The following ZNF787 variants were observed in gnomAD, a reference collection of about 807,000 sequenced individuals.
ZNF787 encodes TTF-I-interacting peptide 20.
In ZNF787, 7 loss-of-function variants were observed where a neutral mutation model predicts 16.9. The ratio of observed to expected loss-of-function variants is 0.42; its 90% CI spans 0.24 to 0.78. The LOEUF is 0.78. Among genes scored for constraint, ZNF787 ranks in the 30% least tolerant of loss-of-function variants. The pLI, the probability that ZNF787 is intolerant of heterozygous loss-of-function variation, is 0.30. For synonymous variants in ZNF787, 345 were observed against 270.9 expected (o/e 1.27, Z -2.69); for missense variants, 551 against 589.3 (o/e 0.94, Z 0.67).
rs1353503065 is a variant in ZNF787 at position 56,088,372 on chromosome 19, G to T, written c.800C>A (p.Ala267Glu). 2 of 1,055,170 alleles carry T rather than the reference G, an allele frequency of 1.9e-6. No homozygotes were observed. Among genetic ancestry groups the T allele is most frequent in the Non-Finnish European group, 1.2e-6 (1 of 861,084 alleles). 65.4% of individuals were successfully genotyped at this position (1,055,170 alleles called of 1,614,324 possible). Residue 267 changes from alanine (A) to glutamate (E), a missense_variant, in exon 3 of 3, where the codon GCG becomes GAG. Physicochemically the swap from Ala to Glu is moderately radical, Grantham distance 107. Coordinates refer to ENST00000610935, the MANE Select transcript of ZNF787 (RefSeq NM_001002836.4). The surrounding 1 kb of genome is among the most constrained non-coding windows in gnomAD (Gnocchi z 8.6). ...AAMAGAGAKA[A>E]GPRSRRAPAP... ...CGGGGCGCGCCGCGACCGGGGCCCC[G>T]CGGCCTTTGCCCCCGCGCCCGCCAT...
chr19:56,098,191 C>T (rs1985942616), intron 2 of ZNF787, among the ~76,000 whole-genome samples: 1 of 152,208 alleles, frequency 6.6e-6, no homozygotes, highest in Admixed American at 6.5e-5. Context: ...ACCCAAGCCT[C>T]CCTGGGGACA....
chr19:56,093,272 A>G (rs1409514381), intron 2 of ZNF787, among the ~76,000 whole-genome samples: 17 of 151,808 alleles, frequency 1.1e-4, no homozygotes, highest in Admixed American at 1.1e-3. Context: ...CCATAGATAC[A>G]GGGGATGGCG....
chr19:56,088,358 G>A lies in ZNF787; in HGVS notation c.814C>T (p.Arg272Trp). The stretch of plus-strand genomic sequence containing the variant: ...TACGGCTTGGGGGCCGGGGCGCGCC[G>A]CGACCGGGGCCCCGCGGCCTTTGCC... Reference protein sequence around the residue: ...AGAKAAGPRSRRAPAPKPYVC... With the variant: ...AGAKAAGPRSWRAPAPKPYVC... Residue 272 changes from arginine (R) to tryptophan (W), a missense_variant, in exon 3 of 3, where the codon CGG becomes TGG. Around this residue, in one of 4 missense-constraint regions of ZNF787, gnomAD observed 392 missense variants for 312.7 expected, o/e 1.25. Coordinates refer to ENST00000610935, the MANE Select transcript of ZNF787 (RefSeq NM_001002836.4). The surrounding 1 kb of genome is among the most constrained non-coding windows in gnomAD (Gnocchi z 8.6). 2 of 1,125,204 alleles carry A rather than the reference G, an allele frequency of 1.8e-6. No homozygotes were observed. Among genetic ancestry groups the A allele is most frequent in the Non-Finnish European group, 2.2e-6 (2 of 914,088 alleles). 69.7% of individuals were successfully genotyped at this position (1,125,204 alleles called of 1,614,324 possible).
At chr19:56,113,639 A>T (rs888326809) in intron 1 of ZNF787, among the ~76,000 whole-genome samples, 1 of 152,002 alleles carries the variant, frequency 6.6e-6, no homozygotes, top group Non-Finnish European at 1.5e-5. Context: ...TGCCCACAAG[A>T]GGCACACCCC....
At chr19:56,109,500 T>C (rs2029917930) in intron 1 of ZNF787, among the ~76,000 whole-genome samples, 1 of 152,242 alleles carries the variant, frequency 6.6e-6, no homozygotes, top group Non-Finnish European at 1.5e-5. Context: ...CCAAGGATTT[T>C]AGTTACTTTT....
In ZNF787 at chr19:56,087,576, AAAG is replaced by A. The variant is rs1985307674; in HGVS notation, c.*444_*446del. Reference sequence around the variant, plus strand: ...GGGGAGTCAAAAGGTGGGCTGATTAAAAGAAAATTCTAAAAGAGAAAAGGGCCC... The same window carrying A: ...GGGGAGTCAAAAGGTGGGCTGATTAAAAAATTCTAAAAGAGAAAAGGGCCC... On this transcript the variant is annotated 3_prime_UTR_variant, in exon 3 of 3. Coordinates refer to ENST00000610935, the MANE Select transcript of ZNF787 (RefSeq NM_001002836.4). 1 of 141,690 alleles carries A rather than the reference AAAG, an allele frequency of 7.1e-6. No individual in the cohort carries two copies. The highest frequency in any genetic ancestry group is 1.6e-5 in the Non-Finnish European group (1 of 64,380). 8.8% of individuals were successfully genotyped at this position (141,690 alleles called of 1,614,324 possible).
At chr19:56,112,843 C>T (rs1032107711) in intron 1 of ZNF787, among the ~76,000 whole-genome samples, 4 of 151,894 alleles carry the variant, frequency 2.6e-5, no homozygotes, top group African/African-American at 9.7e-5. Flanking sequence ...CTTTGTGGGG[C>T]GGGGGAGGAG....
intron 1 of ZNF787, among the ~76,000 whole-genome samples, chr19:56,110,727 G>A (rs963437988): frequency 2.0e-5 from 3 of 152,168 alleles, no homozygotes; most frequent in East Asian, 1.9e-4. Flanking sequence ...CTCCACCTCC[G>A]GCCAGCTTCC....
intron 1 of ZNF787, among the ~76,000 whole-genome samples, chr19:56,109,168 G>A (rs1003264922): frequency 6.6e-5 from 10 of 152,106 alleles, no homozygotes; most frequent in African/African-American, 1.4e-4. Context: ...AGGTAATTAC[G>A]TCTGTATTAA....
In ZNF787 at chr19:56,087,860, T is replaced by TGCC; in HGVS notation, c.*160_*162dup. The TGCC allele has an allele frequency of 8.7e-7, 1 of 1,146,550 alleles. No homozygotes were observed. Among genetic ancestry groups the TGCC allele is most frequent in the Non-Finnish European group, 1.1e-6 (1 of 904,310 alleles). The allele number at this position is 1,146,550 out of a possible 1,614,324, so 71.0% of individuals were successfully genotyped here. ...GTGAACGGGCCCTAATACGCCCCAG[T>TGCC]GCCCCCCCACGGACGGCGCAGGGAC... On this transcript the variant is annotated 3_prime_UTR_variant, in exon 3 of 3. Transcript: ENST00000610935.
At chr19:56,091,546 G>A (rs1019750224) in intron 2 of ZNF787, among the ~76,000 whole-genome samples, 1 of 152,154 alleles carries the variant, frequency 6.6e-6, no homozygotes, top group Non-Finnish European at 1.5e-5. Context: ...CTAGAACCAG[G>A]GAGAACCCCA....
chr19:56,090,946 T>C (rs1985549604), intron 2 of ZNF787, among the ~76,000 whole-genome samples: 1 of 152,154 alleles, frequency 6.6e-6, no homozygotes, highest in African/African-American at 2.4e-5. Flanking sequence ...AGTGTGAGAA[T>C]CACTATTCCA....
intron 2 of ZNF787, among the ~76,000 whole-genome samples, chr19:56,096,379 AC>A (rs1985874747): frequency 6.6e-6 from 1 of 151,632 alleles, no homozygotes; most frequent in African/African-American, 2.4e-5. Context: ...AGATGGCACC[AC>A]TGCACTCCAG....
At chr19:56,103,306 T>A in intron 1 of ZNF787, 79 bp from the exon 2 acceptor site, 1 of 1,308,002 alleles carries the variant, frequency 7.6e-7, no homozygotes, top group South Asian at 1.5e-5. Context: ...GGAGGCAGCC[T>A]GCAGACCCCG....
intron 1 of ZNF787, among the ~76,000 whole-genome samples, chr19:56,116,208 G>A (rs771783349): frequency 2.6e-5 from 4 of 152,138 alleles, no homozygotes; most frequent in African/African-American, 7.2e-5. Context: ...CTGGGAGGCC[G>A]AGGTGGGCGG....
chr19:56,115,355 T>C (rs979531499), intron 1 of ZNF787, among the ~76,000 whole-genome samples: 25 of 87,930 alleles, frequency 2.8e-4, no homozygotes, highest in African/African-American at 9.1e-4. Context: ...ATTTCGCTGC[T>C]TTTTTTTTTT....
chr19:56,115,664 C>T (rs1277238319), intron 1 of ZNF787, among the ~76,000 whole-genome samples: 1 of 152,100 alleles, frequency 6.6e-6, no homozygotes, highest in African/African-American at 2.4e-5. Flanking sequence ...ACCCGCACCA[C>T]CCACACCCTC....
chr19:56,105,248 C>G (rs1045882334), intron 1 of ZNF787, among the ~76,000 whole-genome samples: 2 of 152,214 alleles, frequency 1.3e-5, no homozygotes, highest in African/African-American at 4.8e-5. Flanking sequence ...AACCCTCGCA[C>G]AGATCAGGGA....
intron 2 of ZNF787, among the ~76,000 whole-genome samples, chr19:56,093,055 G>C (rs1328033142): frequency 6.6e-6 from 1 of 151,414 alleles, no homozygotes; most frequent in Non-Finnish European, 1.5e-5. Flanking sequence ...TGGTGGAAGT[G>C]GGCTACCCCA....
Sources: allele counts gnomAD v4.1 joint callset (sites outside exome capture counted in the v4.1 genomes callset), GRCh38; gene constraint gnomAD v4.1.1; regional missense constraint gnomAD v4.1.1; non-coding constraint Gnocchi (gnomAD v3.1); transcripts MANE v1.5; gene names NCBI Gene and HGNC (gene_info 2026-07-23, HGNC 2026-07-21).